The following SLC35G2 variants were observed in gnomAD, a reference collection of about 807,000 sequenced individuals.
The protein encoded by SLC35G2 is transmembrane protein 22.
SLC35G2 carries 20 observed loss-of-function variants against 27.2 expected under a neutral mutation model. The observed-to-expected ratio is 0.74, with a 90% CI of 0.52 to 1.07. The LOEUF is 1.07. Ranked by LOEUF, SLC35G2 falls within the 50% of genes least tolerant of loss-of-function variation. SLC35G2 has a pLI of 0.00. For missense variants in SLC35G2, 416 were observed against 493.3 expected (o/e 0.84, Z 1.48); for synonymous variants, 148 against 165.3 (o/e 0.90, Z 0.80).
rs777840091 is a variant in SLC35G2, at chr3:136,854,733, G to C, written c.273G>C (p.Gln91His). 1 of 1,614,118 alleles carries C rather than the reference G, an allele frequency of 6.2e-7. No individual in the cohort carries two copies. The highest frequency in any genetic ancestry group is 1.7e-5 in the Admixed American group (1 of 60,026). Reference sequence around the variant, plus strand: ...TGATCAATGAGATTGGACAATTCCAGAGCTTTGCAGAAAAAAACATTTTTC... The same window carrying C: ...TGATCAATGAGATTGGACAATTCCACAGCTTTGCAGAAAAAAACATTTTTC... ...DPMINEIGQF[Q>H]SFAEKNIFQS... Residue 91 changes from glutamine to histidine, a missense_variant, in exon 2 of 2, where the codon CAG becomes CAC. By Grantham distance (24) the Gln-to-His change is conservative (BLOSUM62 0). Transcript: ENST00000446465.
intron 1 of SLC35G2, among the ~76,000 whole-genome samples, chr3:136,852,718 C>T (rs1937724359): frequency 6.6e-6 from 1 of 152,010 alleles, no homozygotes; most frequent in Non-Finnish European, 1.5e-5. Context: ...GTCTCGAACT[C>T]CTGACCTCAG....
chr3:136,829,858 T>C (rs1312082418), intron 1 of SLC35G2, among the ~76,000 whole-genome samples: 6 of 152,298 alleles, frequency 3.9e-5, no homozygotes, highest in Middle Eastern at 6.8e-3. Flanking sequence ...TTCTTTATCC[T>C]TGATCTTTGG....
intron 1 of SLC35G2, among the ~76,000 whole-genome samples, chr3:136,835,606 A>C (rs950069921): frequency 6.6e-6 from 1 of 152,156 alleles, no homozygotes; most frequent in African/African-American, 2.4e-5. Flanking sequence ...ACAAAGTTTC[A>C]CTTGCTTATT....
At chr3:136,848,491 C>T (rs904308094) in intron 1 of SLC35G2, among the ~76,000 whole-genome samples, 4 of 151,944 alleles carry the variant, frequency 2.6e-5, no homozygotes, top group Non-Finnish European at 5.9e-5. Flanking sequence ...TGATGGCAGG[C>T]ATCTGAAGCC....
chr3:136,823,623 G>A (rs1424333313), intron 1 of SLC35G2, among the ~76,000 whole-genome samples: 1 of 151,718 alleles, frequency 6.6e-6, no homozygotes, highest in Non-Finnish European at 1.5e-5. Flanking sequence ...GTCTCCCTCT[G>A]TCACTCAGGC....
At chr3:136,843,616 A>G (rs1226978323) in intron 1 of SLC35G2, among the ~76,000 whole-genome samples, 1 of 151,888 alleles carries the variant, frequency 6.6e-6, no homozygotes, top group Non-Finnish European at 1.5e-5. Context: ...ATTGCACTCC[A>G]GCCTGGGCGA....
At chr3:136,821,258 A>G (rs2107992418) in intron 1 of SLC35G2, among the ~76,000 whole-genome samples, 1 of 152,200 alleles carries the variant, frequency 6.6e-6, no homozygotes, top group South Asian at 2.1e-4. Flanking sequence ...CGTTTTTGCT[A>G]TATAATTTAT....
intron 1 of SLC35G2, chr3:136,841,912 C>T (rs927387900): frequency 1.3e-5 from 2 of 152,054 alleles, no homozygotes; most frequent in Non-Finnish European, 2.9e-5. Flanking sequence ...AAAATTATAT[C>T]CTTTTTACTC....
At chr3:136,838,283 A>ATATATATATATATAT (rs1560013693) in intron 1 of SLC35G2, 20 of 110,580 alleles carry the variant, frequency 1.8e-4, no homozygotes, top group African/African-American at 5.5e-4. Context: ...ATATATATAT[A>ATATATATATATATAT]AATGCACACA....
intron 1 of SLC35G2, among the ~76,000 whole-genome samples, chr3:136,824,738 T>G (rs1167572609): frequency 6.6e-6 from 1 of 152,182 alleles, no homozygotes; most frequent in African/African-American, 2.4e-5. Flanking sequence ...TGGATGTCCT[T>G]TATTTCTTGC....
chr3:136,854,712 CA>C lies in SLC35G2; in HGVS notation c.254del (p.Asn85MetfsTer22), dbSNP rs1220383349. 4 of 1,614,076 alleles carry C rather than the reference CA, an allele frequency of 2.5e-6. No homozygotes were observed. The African/African-American group carries it at 5.3e-5, about 22-fold the overall frequency. ...LPPPTEDPMI[N>X]EIGQFQSFAE... ...CTCCACCAACAGAAGACCCAATGAT[CA>C]ATGAGATTGGACAATTCCAGAGCTT... On this transcript the variant is annotated frameshift_variant, in exon 2 of 2. Coordinates refer to ENST00000446465, the MANE Select transcript of SLC35G2 (RefSeq NM_025246.3). LOFTEE classifies it high-confidence loss of function.
intron 1 of SLC35G2, chr3:136,820,499 G>A (rs1936428143): frequency 6.6e-6 from 1 of 152,174 alleles, no homozygotes; most frequent in Non-Finnish European, 1.5e-5. Context: ...AAGCAAATGT[G>A]GCTTGCCTTG....
intron 1 of SLC35G2, among the ~76,000 whole-genome samples, chr3:136,841,402 T>C (rs1937090437): frequency 6.6e-6 from 1 of 152,220 alleles, no homozygotes; most frequent in Non-Finnish European, 1.5e-5. Context: ...GAGTCAGATA[T>C]CAGTTCCCTA....
rs758386562 is a variant in SLC35G2 at position 136,854,522 on chromosome 3, C to T, written c.62C>T (p.Thr21Ile). 5 of 1,606,222 alleles carry T rather than the reference C, an allele frequency of 3.1e-6. No homozygotes were observed. The highest frequency in any genetic ancestry group is 4.2e-6 in the Non-Finnish European group (5 of 1,177,120). ...AAACGGGTGAAAATACATCCCAACACAGTGATGGTGAAATATACTTCTCAT... is the reference window on the plus strand; with the variant it reads ...AAACGGGTGAAAATACATCCCAACATAGTGATGGTGAAATATACTTCTCAT... ...VKKRVKIHPN[T>I]VMVKYTSHYP... The change falls in exon 2 of 2, where the codon ACA (threonine) becomes ATA (isoleucine). Residue 21 changes from threonine to isoleucine, a missense_variant. Transcript: ENST00000446465.
rs368142992 is a variant in SLC35G2, at chr3:136,839,561, C to T, written c.-18-14882C>T. Among the ~76,000 whole-genome samples the T allele has an allele frequency of 5.9e-5, 9 of 152,166 alleles. No homozygotes were observed. In the East Asian group the frequency reaches 9.6e-4, roughly 16 times the overall value. On this transcript the variant is annotated intron_variant, in intron 1 of 1. Coordinates refer to ENST00000446465, the MANE Select transcript of SLC35G2 (RefSeq NM_025246.3). ...GCTTCTCCCTTTGACTTTGCCTGTA[C>T]AGCAACTAACTGGTCCAGGTGCTTT...
At position 136,840,769 on chromosome 3, in the gene SLC35G2, G is replaced by A. The variant is rs575608332; in HGVS notation, c.-18-13674G>A. The stretch of plus-strand genomic sequence containing the variant: ...CTCCCTGGTAGCTGGGACTATAGGC[G>A]CATTCCACCATGCCTGGCTAATTTT... On this transcript the variant is annotated intron_variant, in intron 1 of 1. Coordinates refer to ENST00000446465, the MANE Select transcript of SLC35G2 (RefSeq NM_025246.3). 7.9e-5 allele frequency among the ~76,000 whole-genome samples: 12 copies of A among 151,842 alleles called. No homozygotes were observed. The South Asian group carries it at 1.0e-3, about 13-fold the overall frequency.
intron 1 of SLC35G2, chr3:136,820,184 C>A (rs1156367938): frequency 6.7e-6 from 1 of 150,272 alleles, no homozygotes; most frequent in African/African-American, 2.5e-5. Flanking sequence ...AGTAACCCCC[C>A]ACGTCCAGAG....
chr3:136,849,377 CTT>C (rs1937537104), intron 1 of SLC35G2, among the ~76,000 whole-genome samples: 1 of 151,532 alleles, frequency 6.6e-6, no homozygotes, highest in African/African-American at 2.4e-5. Flanking sequence ...GTATAATTAT[CTT>C]TTATACATGT....
chr3:136,840,711 C>A (rs760535916), intron 1 of SLC35G2, among the ~76,000 whole-genome samples: 11 of 151,974 alleles, frequency 7.2e-5, no homozygotes, highest in Non-Finnish European at 1.0e-4. Flanking sequence ...GCAACCTCTG[C>A]CTCCCTGGTT....
Sources: gnomAD v4.1 joint callset for allele counts (sites outside exome capture counted in the v4.1 genomes callset) on GRCh38, gnomAD v4.1.1 for gene constraint, MANE v1.5 for transcripts, NCBI Gene and HGNC (gene_info 2026-07-23, HGNC 2026-07-21) for gene names.